Variants in RAPGEF6 observed in about 807,000 individuals in gnomAD.
The protein encoded by RAPGEF6 is PDZ domain containing guanine nucleotide exchange factor (GEF) 2.
RAPGEF6 carries 56 observed loss-of-function variants against 171.4 expected under a neutral mutation model. The observed-to-expected ratio is 0.33, with a 90% CI of 0.26 to 0.41. The LOEUF (loss-of-function observed/expected upper bound fraction) is 0.41. Ranked by LOEUF, RAPGEF6 falls within the 10% of genes least tolerant of loss-of-function variation. RAPGEF6 has a pLI of 1.00. For synonymous variants in RAPGEF6, 692 were observed against 650.1 expected, an observed-to-expected ratio of 1.06 and a Z score of -0.98; for missense variants, 1,674 against 1,921.4, an observed-to-expected ratio of 0.87 and a Z score of 2.41.
Position 131,433,555 on chromosome 5 carries a change from G to A in RAPGEF6, c.3849C>T (p.Ser1283=). Residue 1283 remains serine, a synonymous_variant, in exon 25 of 28, where the codon TCC becomes TCT. Transcript: ENST00000509018. ...SSIVSNCSVD[S]MSAALQDERC... is the part of the protein sequence containing the mutation. Reference sequence around the variant, plus strand: ...GTTCATCCTGTAGAGCTGCAGACATGGAGTCAACAGAACAATTGCTCACGA... The same window carrying A: ...GTTCATCCTGTAGAGCTGCAGACATAGAGTCAACAGAACAATTGCTCACGA... 1 of 1,612,972 alleles carries A rather than the reference G, an allele frequency of 6.2e-7. No individual in the cohort carries two copies. The highest frequency in any genetic ancestry group is 1.1e-5 in the South Asian group (1 of 91,070).
At chr5:131,533,518 C>G (rs181251639) in intron 6 of RAPGEF6, among the ~76,000 whole-genome samples, 6 of 152,114 alleles carry the variant, frequency 3.9e-5, no homozygotes, top group African/African-American at 1.4e-4. Flanking sequence ...GCAAAATTTG[C>G]TATTTATCAA....
At chr5:131,489,021 G>A (rs555617667) in intron 15 of RAPGEF6, among the ~76,000 whole-genome samples, 7 of 152,200 alleles carry the variant, frequency 4.6e-5, no homozygotes, top group African/African-American at 1.7e-4. Context: ...CACAACAGAG[G>A]CACTGTAATC....
intron 27 of RAPGEF6, among the ~76,000 whole-genome samples, chr5:131,428,651 G>A (rs1424192484): frequency 6.6e-6 from 1 of 151,840 alleles, no homozygotes; most frequent in African/African-American, 2.4e-5. Flanking sequence ...TAGTAGAGAC[G>A]GGGTTTCTCC....
In RAPGEF6 at chr5:131,542,302, T is replaced by C. The variant is rs143619631; in HGVS notation, c.495+5745A>G. ...ATATTCACAATAACAACAACAGCAATAGGATGCTACTAACATTACTATTTT... is the reference window on the plus strand; with the variant it reads ...ATATTCACAATAACAACAACAGCAACAGGATGCTACTAACATTACTATTTT... On this transcript the variant is annotated intron_variant, in intron 6 of 27. Coordinates refer to ENST00000509018, the MANE Select transcript of RAPGEF6 (RefSeq NM_016340.6). Among the ~76,000 whole-genome samples the C allele has an allele frequency of 3.8e-3, 572 of 152,282 alleles. 4 individuals carry two copies. Among genetic ancestry groups the C allele is most frequent in the African/African-American group, 0.013 (541 of 41,568 alleles).
intron 9 of RAPGEF6, among the ~76,000 whole-genome samples, chr5:131,507,575 T>C (rs1757450787): frequency 6.6e-6 from 1 of 152,178 alleles, no homozygotes; most frequent in Non-Finnish European, 1.5e-5. Context: ...CCGAGCATTT[T>C]TGAACATAGA....
At chr5:131,586,518 C>A (rs1763266487) in intron 4 of RAPGEF6, among the ~76,000 whole-genome samples, 1 of 152,102 alleles carries the variant, frequency 6.6e-6, no homozygotes, top group Admixed American at 6.5e-5. Context: ...GTGGTCCCAT[C>A]TACTTGGGAG....
intron 15 of RAPGEF6, among the ~76,000 whole-genome samples, chr5:131,480,681 G>A (rs1223366453): frequency 3.9e-5 from 6 of 152,048 alleles, no homozygotes; most frequent in Admixed American, 3.9e-4. Context: ...GTTTCCCCAT[G>A]TTGGCCAGAC....
At chr5:131,552,470 T>C (rs1760978893) in intron 5 of RAPGEF6, among the ~76,000 whole-genome samples, 1 of 152,056 alleles carries the variant, frequency 6.6e-6, no homozygotes. Flanking sequence ...ACTTTTTTTT[T>C]TTTTTTTGAG....
chr5:131,504,692 A>G lies in RAPGEF6; in HGVS notation c.1188T>C (p.Ile396=), dbSNP rs10063129. The G allele has an allele frequency of 0.038, 60,600 of 1,613,616 alleles. 2,622 individuals carry two copies. Among genetic ancestry groups the G allele is most frequent in the African/African-American group, 0.22 (16,395 of 74,910 alleles). The change falls in exon 11 of 28, where the codon ATT becomes ATC. Residue 396 remains isoleucine, a synonymous_variant. Transcript: ENST00000509018. ...NTHKVEEEGE[I]VMVHEHRELD... ...GTTCCCGATGCTCATGTACCATAAC[A>G]ATTTCTCCCTCTTCCTCAACTTTAT...
chr5:131,521,907 A>T (rs895770672), intron 6 of RAPGEF6, among the ~76,000 whole-genome samples: 43 of 143,078 alleles, frequency 3.0e-4, no homozygotes, highest in African/African-American at 1.1e-3. Context: ...TCTCTCTCTC[A>T]CACACACACT....
chr5:131,519,852 CAAGAT>C lies in RAPGEF6; in HGVS notation c.627+1533_627+1537del, dbSNP rs1290065079. Among the ~76,000 whole-genome samples the C allele has an allele frequency of 1.1e-4, 16 of 152,296 alleles. No individual in the cohort carries two copies. In the East Asian group the frequency reaches 2.9e-3, roughly 28 times the overall value. On this transcript the variant is annotated intron_variant, in intron 7 of 27. Coordinates refer to ENST00000509018, the MANE Select transcript of RAPGEF6 (RefSeq NM_016340.6). ...TAGGTGTGCAACAATTCTTCTTTCA[CAAGAT>C]AATTCTTTTGGGGAGGGGCAGAAAG...
At chr5:131,468,764 C>T (rs373492098) in intron 17 of RAPGEF6, among the ~76,000 whole-genome samples, 97 of 151,972 alleles carry the variant, frequency 6.4e-4, no homozygotes, top group African/African-American at 2.3e-3. Context: ...ACGAGCTCGA[C>T]GAAAGACAAG....
intron 25 of RAPGEF6, among the ~76,000 whole-genome samples, chr5:131,432,009 T>A (rs944572869): frequency 6.6e-6 from 1 of 152,112 alleles, no homozygotes; most frequent in Admixed American, 6.5e-5. Flanking sequence ...CAATTACCCA[T>A]GAAATGAATA....
intron 20 of RAPGEF6, among the ~76,000 whole-genome samples, chr5:131,455,595 T>C (rs1242182391): frequency 6.6e-6 from 1 of 152,206 alleles, no homozygotes; most frequent in East Asian, 1.9e-4. Context: ...TTCCTTGCAT[T>C]ATCTGACACA....
chr5:131,458,698 G>C (rs1753695292), intron 19 of RAPGEF6, among the ~76,000 whole-genome samples: 1 of 152,162 alleles, frequency 6.6e-6, no homozygotes, highest in Admixed American at 6.5e-5. Flanking sequence ...CTGTCACCCA[G>C]GCTGGAGTGC....
At chr5:131,503,613 A>C (rs1039895259) in intron 11 of RAPGEF6, among the ~76,000 whole-genome samples, 3 of 152,252 alleles carry the variant, frequency 2.0e-5, no homozygotes, top group Non-Finnish European at 4.4e-5. Flanking sequence ...AAACTGCTTC[A>C]TCTGCAATTA....
chr5:131,535,034 G>C (rs182457901), intron 6 of RAPGEF6, among the ~76,000 whole-genome samples: 6 of 152,226 alleles, frequency 3.9e-5, no homozygotes, highest in Middle Eastern at 3.4e-3. Context: ...CCCAGTGTGA[G>C]AAATGCAATC....
chr5:131,500,806 G>A (rs958609975), intron 11 of RAPGEF6, among the ~76,000 whole-genome samples: 1 of 152,096 alleles, frequency 6.6e-6, no homozygotes, highest in Non-Finnish European at 1.5e-5. Context: ...ACTGATAGCA[G>A]AATCTAAGTA....
At chr5:131,524,896 G>T (rs1399443645) in intron 6 of RAPGEF6, among the ~76,000 whole-genome samples, 1 of 152,138 alleles carries the variant, frequency 6.6e-6, no homozygotes, top group Non-Finnish European at 1.5e-5. Context: ...GATTACAGGC[G>T]TAAGCCACCT....
Sources: gnomAD v4.1 joint callset for allele counts (sites outside exome capture counted in the v4.1 genomes callset) on GRCh38, gnomAD v4.1.1 for gene constraint, MANE v1.5 for transcripts, NCBI Gene and HGNC (gene_info 2026-07-23, HGNC 2026-07-21) for gene names.